Variants in GPHN observed in about 807,000 individuals in gnomAD.
The protein encoded by GPHN is gephyrin.
GPHN carries 17 observed loss-of-function variants against 95.5 expected under a neutral mutation model. The ratio of observed to expected loss-of-function variants is 0.18; its 90% CI spans 0.12 to 0.27. The LOEUF is 0.27. Among genes scored for constraint, GPHN ranks in the 10% least tolerant of loss-of-function variants. The probability of loss-of-function intolerance (pLI) is 1.00; values close to 1 mark genes in which losing one functional copy is unlikely to be tolerated. For synonymous variants in GPHN, 320 were observed against 322.5 expected (o/e 0.99, Z 0.08); for missense variants, 660 against 978.1 (o/e 0.67, Z 4.34).
intron 2 of GPHN, among the ~76,000 whole-genome samples, chr14:66,776,073 T>C (rs916420766): frequency 6.6e-6 from 1 of 152,226 alleles, no homozygotes; most frequent in Admixed American, 6.5e-5. Context: ...TCTATTTTTC[T>C]GTAAACCTAA....
the GPHN span, among the ~76,000 whole-genome samples, chr14:67,557,653 G>A: frequency 3.9e-5 from 6 of 152,224 alleles, no homozygotes; most frequent in African/African-American, 1.4e-4. Context: ...GACTGATCTG[G>A]GTGTGAAGCC....
chr14:67,414,692 A>G, the GPHN span, among the ~76,000 whole-genome samples: 1 of 152,254 alleles, frequency 6.6e-6, no homozygotes, highest in Non-Finnish European at 1.5e-5. Context: ...CTATCATTAG[A>G]GATTCATTCC....
chr14:67,503,999 G>C, the GPHN span, among the ~76,000 whole-genome samples: 11 of 147,220 alleles, frequency 7.5e-5, no homozygotes, highest in Non-Finnish European at 1.2e-4. Context: ...ACTGTGCCCA[G>C]CCTATTTTTT....
the GPHN span, among the ~76,000 whole-genome samples, chr14:67,463,324 G>T: frequency 6.6e-6 from 1 of 151,954 alleles, no homozygotes; most frequent in Non-Finnish European, 1.5e-5. Context: ...TAATAATGTG[G>T]ATGTCTAATA....
the GPHN span, chr14:67,320,446 T>G: frequency 1.3e-6 from 2 of 1,485,696 alleles, no homozygotes; most frequent in Admixed American, 4.4e-5. Context: ...ATTTACCAGC[T>G]CAGAACCTAA....
chr14:67,064,115 C>A (rs1448358780), intron 11 of GPHN, among the ~76,000 whole-genome samples: 1 of 152,094 alleles, frequency 6.6e-6, no homozygotes, highest in Non-Finnish European at 1.5e-5. Flanking sequence ...CCATCAATAC[C>A]TAGTTTATTG....
At chr14:67,480,035 A>T in the GPHN span, among the ~76,000 whole-genome samples, 2 of 152,196 alleles carry the variant, frequency 1.3e-5, no homozygotes, top group African/African-American at 4.8e-5. Flanking sequence ...CCTTGTAGGT[A>T]AAGTGAGGAT....
At chr14:66,786,264 A>G (rs527432942) in intron 3 of GPHN, among the ~76,000 whole-genome samples, 4 of 152,234 alleles carry the variant, frequency 2.6e-5, no homozygotes, top group African/African-American at 9.6e-5. Flanking sequence ...TAAAAACTTC[A>G]TACTCATAAA....
the GPHN span, chr14:67,651,578 G>A: frequency 7.3e-7 from 1 of 1,368,632 alleles, no homozygotes; most frequent in African/African-American, 1.5e-5. Context: ...TGGATACTCT[G>A]AGGCTGTATG....
At chr14:67,546,417 T>G in the GPHN span, among the ~76,000 whole-genome samples, 1 of 152,138 alleles carries the variant, frequency 6.6e-6, no homozygotes, top group Non-Finnish European at 1.5e-5. Flanking sequence ...GTTTTTGTTT[T>G]TGAGACAAAG....
chr14:67,561,829 C>T, the GPHN span: 2 of 697,268 alleles, frequency 2.9e-6, no homozygotes, highest in Non-Finnish European at 4.8e-6. Flanking sequence ...AAAATTGCTC[C>T]ACTGCAATTC....
At chr14:66,529,074 A>G (rs750695077) in intron 1 of GPHN, among the ~76,000 whole-genome samples, 3 of 152,008 alleles carry the variant, frequency 2.0e-5, no homozygotes, top group Admixed American at 6.5e-5. Flanking sequence ...ACTTTGTTCC[A>G]TTCTCCCCAT....
chr14:66,967,063 C>A (rs956166904), intron 9 of GPHN, among the ~76,000 whole-genome samples: 1 of 151,772 alleles, frequency 6.6e-6, no homozygotes, highest in Non-Finnish European at 1.5e-5. Context: ...CTTAGATGTT[C>A]AAATTGACAG....
intron 5 of GPHN, among the ~76,000 whole-genome samples, chr14:66,883,906 C>T (rs2064051266): frequency 1.3e-5 from 2 of 152,032 alleles, no homozygotes; most frequent in South Asian, 4.1e-4. Flanking sequence ...CAATTCACAT[C>T]CAAAATTAGA....
intron 2 of GPHN, among the ~76,000 whole-genome samples, chr14:66,704,209 C>T (rs1359440898): frequency 1.3e-5 from 2 of 152,026 alleles, no homozygotes; most frequent in African/African-American, 4.8e-5. Flanking sequence ...GACTCGCACA[C>T]AATAATAGTG....
chr14:66,537,927 G>A (rs1005023825), intron 1 of GPHN, among the ~76,000 whole-genome samples: 5 of 152,174 alleles, frequency 3.3e-5, no homozygotes, highest in Non-Finnish European at 7.4e-5. Flanking sequence ...TCCTAGGCTC[G>A]AGCGATCCTC....
chr14:67,393,239 C>G, the GPHN span: 1 of 1,611,168 alleles, frequency 6.2e-7, no homozygotes, highest in Non-Finnish European at 8.5e-7. Context: ...GTCCACAATG[C>G]GACTACATGG....
chr14:67,219,667 A>C, the GPHN span, among the ~76,000 whole-genome samples: 1 of 152,228 alleles, frequency 6.6e-6, no homozygotes, highest in Non-Finnish European at 1.5e-5. Context: ...AGAAATGATA[A>C]AAAATGAATC....
chr14:67,691,385 T>C, the GPHN span: 5 of 615,020 alleles, frequency 8.1e-6, no homozygotes, highest in Non-Finnish European at 1.4e-5. Context: ...TTATTTTCTA[T>C]TGTTTTTCAT....
Sources: allele counts gnomAD v4.1 joint callset (sites outside exome capture counted in the v4.1 genomes callset), GRCh38; gene constraint gnomAD v4.1.1; transcripts MANE v1.5; gene names NCBI Gene and HGNC (gene_info 2026-07-23, HGNC 2026-07-21).